The following CADM1 variants were observed in gnomAD, a reference collection of about 807,000 sequenced individuals.
CADM1 encodes the protein TSLC-1.
Under a neutral mutation model 53.1 loss-of-function variants are expected in CADM1, and 15 were observed. That is an observed-to-expected ratio of 0.28 (90% confidence interval 0.19 to 0.44). The LOEUF (loss-of-function observed/expected upper bound fraction) is 0.44. CADM1 is among the 20% of genes least tolerant of loss of function. CADM1 has a pLI of 1.00. For synonymous variants in CADM1, 281 were observed against 243.0 expected (o/e 1.16, Z -1.45); for missense variants, 434 against 611.3 (o/e 0.71, Z 3.06).
At chr11:115,292,633 A>C (rs1250935895) in intron 1 of CADM1, among the ~76,000 whole-genome samples, 1 of 152,236 alleles carries the variant, frequency 6.6e-6, no homozygotes, top group Non-Finnish European at 1.5e-5. Flanking sequence ...ATGATATACC[A>C]AGTCATTATC....
intron 10 of CADM1, among the ~76,000 whole-genome samples, chr11:115,179,651 A>G (rs1168798917): frequency 6.6e-6 from 1 of 152,210 alleles, no homozygotes; most frequent in Non-Finnish European, 1.5e-5. Context: ...GAGATTTATA[A>G]TGTAGTAAAA....
At chr11:115,349,505 G>A (rs115437203) in intron 1 of CADM1, among the ~76,000 whole-genome samples, 7 of 152,178 alleles carry the variant, frequency 4.6e-5, no homozygotes, top group South Asian at 2.1e-4. Flanking sequence ...AATTAGCATC[G>A]TAAAAATAAC....
At chr11:115,317,610 C>T (rs1474797714) in intron 1 of CADM1, among the ~76,000 whole-genome samples, 2 of 152,156 alleles carry the variant, frequency 1.3e-5, no homozygotes, top group African/African-American at 4.8e-5. Flanking sequence ...GACTGTTCTT[C>T]ATCATCAACT....
At position 115,421,828 on chromosome 11, in the gene CADM1, T is replaced by C. The variant is rs192549933; in HGVS notation, c.124+82443A>G. On this transcript the variant is annotated intron_variant, in intron 1 of 11. Transcript: ENST00000331581. Reference sequence around the variant, plus strand: ...CTTAAAAGAAAGGAAATTTGTTGCATGAGGCCTGCCAGATATAAAAGGGAT... The same window carrying C: ...CTTAAAAGAAAGGAAATTTGTTGCACGAGGCCTGCCAGATATAAAAGGGAT... Among the ~76,000 whole-genome samples the C allele has an allele frequency of 6.3e-3, 961 of 152,340 alleles. 6 individuals carry two copies. Among genetic ancestry groups the C allele is most frequent in the African/African-American group, 9.0e-3 (375 of 41,588 alleles).
At chr11:115,315,800 C>A (rs1944651804) in intron 1 of CADM1, among the ~76,000 whole-genome samples, 1 of 152,178 alleles carries the variant, frequency 6.6e-6, no homozygotes, top group African/African-American at 2.4e-5. Context: ...GTCCCACTAC[C>A]TGGAGCAACA....
At chr11:115,331,724 T>C (rs1055634845) in intron 1 of CADM1, among the ~76,000 whole-genome samples, 4 of 146,198 alleles carry the variant, frequency 2.7e-5, no homozygotes, top group Non-Finnish European at 6.0e-5. Flanking sequence ...AGTCTATACC[T>C]GTAAGGAAAA....
At chr11:115,351,141 A>AC (rs1283605492) in intron 1 of CADM1, among the ~76,000 whole-genome samples, 1 of 151,576 alleles carries the variant, frequency 6.6e-6, no homozygotes, top group Non-Finnish European at 1.5e-5. Context: ...AAACAAAAAA[A>AC]AGTAAAAGCG....
chr11:115,378,659 G>A (rs768642988), intron 1 of CADM1, among the ~76,000 whole-genome samples: 2 of 152,090 alleles, frequency 1.3e-5, no homozygotes, highest in African/African-American at 2.4e-5. Flanking sequence ...GTCAATGGTT[G>A]AAAAAATTCT....
chr11:115,357,142 C>T (rs1481341627), intron 1 of CADM1, among the ~76,000 whole-genome samples: 3 of 152,136 alleles, frequency 2.0e-5, no homozygotes, highest in Non-Finnish European at 2.9e-5. Context: ...GAAGCAATGT[C>T]CCTCGGGCCT....
chr11:115,283,993 T>C (rs1374372228), intron 1 of CADM1, among the ~76,000 whole-genome samples: 1 of 152,068 alleles, frequency 6.6e-6, no homozygotes, highest in Non-Finnish European at 1.5e-5. Context: ...GTCCTAGACT[T>C]GCTCCTGAAA....
intron 1 of CADM1, among the ~76,000 whole-genome samples, chr11:115,315,525 T>C (rs1300596588): frequency 6.6e-6 from 1 of 152,152 alleles, no homozygotes; most frequent in Non-Finnish European, 1.5e-5. Flanking sequence ...CAGAAACTTT[T>C]TTTTCCCCTC....
At chr11:115,359,595 A>G (rs1004754708) in intron 1 of CADM1, among the ~76,000 whole-genome samples, 1 of 152,154 alleles carries the variant, frequency 6.6e-6, no homozygotes, top group Non-Finnish European at 1.5e-5. Flanking sequence ...ACAAAATTGA[A>G]TATGTCTTAT....
At chr11:115,318,988 T>C (rs769975083) in intron 1 of CADM1, among the ~76,000 whole-genome samples, 2 of 152,176 alleles carry the variant, frequency 1.3e-5, no homozygotes, top group Non-Finnish European at 2.9e-5. Context: ...ATTAACTCAC[T>C]TGATACTCAA....
intron 1 of CADM1, among the ~76,000 whole-genome samples, chr11:115,415,505 A>G (rs1947571310): frequency 6.6e-6 from 1 of 152,114 alleles, no homozygotes; most frequent in Admixed American, 6.6e-5. Context: ...AATATGACAG[A>G]ACAGTTATAA....
intron 1 of CADM1, among the ~76,000 whole-genome samples, chr11:115,431,703 G>A (rs1375548916): frequency 6.6e-6 from 1 of 151,722 alleles, no homozygotes; most frequent in Non-Finnish European, 1.5e-5. Context: ...GTTCCCTCTG[G>A]AAAGTTCTTC....
intron 1 of CADM1, among the ~76,000 whole-genome samples, chr11:115,444,425 A>G (rs1177852640): frequency 6.6e-6 from 1 of 152,204 alleles, no homozygotes; most frequent in Non-Finnish European, 1.5e-5. Context: ...ATTAAATGAC[A>G]GTTTCCATTT....
At chr11:115,424,507 ACTTTT>A (rs750003239) in intron 1 of CADM1, among the ~76,000 whole-genome samples, 7 of 152,102 alleles carry the variant, frequency 4.6e-5, no homozygotes, top group Non-Finnish European at 7.4e-5. Flanking sequence ...AGGAAAACAC[ACTTTT>A]CTTTTTTTGT....
chr11:115,497,603 G>C (rs929675258), intron 1 of CADM1, among the ~76,000 whole-genome samples: 1 of 152,262 alleles, frequency 6.6e-6, no homozygotes, highest in South Asian at 2.1e-4. Context: ...GCAGCTGCTG[G>C]CTAGAGCCTG....
At position 115,430,320 on chromosome 11, in the gene CADM1, G is replaced by A. The variant is rs766678562; in HGVS notation, c.124+73951C>T. Among the ~76,000 whole-genome samples the A allele has an allele frequency of 3.1e-4, 47 of 152,296 alleles. 1 individual carries two copies. The highest frequency in any genetic ancestry group is 5.2e-4 in the Admixed American group (8 of 15,296). On this transcript the variant is annotated intron_variant, in intron 1 of 11. Coordinates refer to ENST00000331581, the MANE Select transcript of CADM1 (RefSeq NM_001301043.2). ...CTAACGCTGGGCGTTTAGAGATCCT[G>A]ACAATCTTTATTTATTTAAGATTTA... is the stretch of plus-strand genomic sequence containing the variant.
Sources: gnomAD v4.1 joint callset for allele counts (sites outside exome capture counted in the v4.1 genomes callset) on GRCh38, gnomAD v4.1.1 for gene constraint, MANE v1.5 for transcripts, NCBI Gene and HGNC (gene_info 2026-07-23, HGNC 2026-07-21) for gene names.